The following SPATS2 variants were observed in gnomAD, a reference collection of about 807,000 sequenced individuals.
SPATS2 encodes the protein spermatogenesis associated serine rich 2.
SPATS2 carries 38 observed loss-of-function variants against 63.7 expected under a neutral mutation model. The observed-to-expected ratio is 0.60, with a 90% confidence interval of 0.46 to 0.78. SPATS2 has a LOEUF of 0.78. SPATS2 is among the 30% of genes least tolerant of loss of function. The pLI is 0.00. For synonymous variants in SPATS2, 207 were observed against 232.9 expected (o/e 0.89, Z 1.01); for missense variants, 588 against 666.2 (o/e 0.88, Z 1.29).
chr12:49,472,606 ATATTT>A (rs1946053617), intron 3 of SPATS2, among the ~76,000 whole-genome samples: 2 of 131,610 alleles, frequency 1.5e-5, no homozygotes, highest in African/African-American at 6.6e-5. Flanking sequence ...CTTATTTTAT[ATATTT>A]TATATATATA....
chr12:49,430,291 G>A (rs1945162817), intron 2 of SPATS2, among the ~76,000 whole-genome samples: 1 of 144,758 alleles, frequency 6.9e-6, no homozygotes, highest in Non-Finnish European at 1.5e-5. Flanking sequence ...TAGTAGAGAT[G>A]GTGTTTCACT....
chr12:49,469,615 G>C (rs1945999490), intron 3 of SPATS2: 1 of 417,404 alleles, frequency 2.4e-6, no homozygotes. Context: ...TATGGGCCAG[G>C]CACAGTGGCT....
chr12:49,446,368 G>A (rs1300623753), intron 2 of SPATS2, among the ~76,000 whole-genome samples: 1 of 152,242 alleles, frequency 6.6e-6, no homozygotes, highest in Non-Finnish European at 1.5e-5. Flanking sequence ...TGGGCACAAT[G>A]TGGCTCAGAT....
chr12:49,494,730 A>T lies in SPATS2; in HGVS notation c.265-11A>T, dbSNP rs771928316. ...CTTTTCTTTTCTTTTTCAAATTTTTAATAACTTTAGAACAAAAAGAAGAAA... is the reference window on the plus strand; with the variant it reads ...CTTTTCTTTTCTTTTTCAAATTTTTTATAACTTTAGAACAAAAAGAAGAAA... On this transcript the variant is annotated splice_polypyrimidine_tract_variant and intron_variant, in intron 6 of 13. Coordinates refer to ENST00000552918, the MANE Select transcript of SPATS2 (RefSeq NM_023071.4). 3 of 1,493,464 alleles carry T rather than the reference A, an allele frequency of 2.0e-6. No homozygotes were observed. In the East Asian group the frequency reaches 7.5e-5, roughly 37 times the overall value. The allele number at this position is 1,493,464 out of a possible 1,614,324, so 92.5% of individuals were successfully genotyped here. A position where few individuals can be genotyped will look rare whatever the true frequency, so the allele number is the denominator to read the frequency against.
At chr12:49,487,779 G>A (rs1385174173) in intron 4 of SPATS2, among the ~76,000 whole-genome samples, 2 of 151,988 alleles carry the variant, frequency 1.3e-5, no homozygotes, top group Non-Finnish European at 2.9e-5. Context: ...ATTTTTTGTA[G>A]AGACAAGGTC....
At position 49,526,298 on chromosome 12, in the gene SPATS2, A is replaced by G. The variant is rs1475985331; in HGVS notation, c.*43A>G. The G allele has an allele frequency of 6.5e-7, 1 of 1,536,780 alleles. No homozygotes were observed. The highest frequency in any genetic ancestry group is 2.2e-5 in the Admixed American group (1 of 46,014). ...CTCTCTCCTCTATCCACACAATTCA[A>G]CTTGATAACTGGACTTTAGGAAACT... On this transcript the variant is annotated 3_prime_UTR_variant, in exon 14 of 14. Coordinates refer to ENST00000552918, the MANE Select transcript of SPATS2 (RefSeq NM_023071.4).
chr12:49,519,914 A>G (rs567734484), intron 11 of SPATS2, among the ~76,000 whole-genome samples: 1 of 150,972 alleles, frequency 6.6e-6, no homozygotes, highest in South Asian at 2.1e-4. Context: ...TCCTAGGTGC[A>G]AGCAATTCTC....
intron 2 of SPATS2, among the ~76,000 whole-genome samples, chr12:49,385,954 C>T (rs1944311383): frequency 1.3e-5 from 2 of 150,834 alleles, no homozygotes; most frequent in South Asian, 2.1e-4. Flanking sequence ...ACCTCTGCCT[C>T]CCAGGTTCAA....
At chr12:49,437,193 G>A (rs1293006725) in intron 2 of SPATS2, among the ~76,000 whole-genome samples, 3 of 150,650 alleles carry the variant, frequency 2.0e-5, no homozygotes, top group African/African-American at 2.4e-5. Flanking sequence ...CTTCTCAGAC[G>A]GGGCGGCCGG....
At chr12:49,435,474 C>T (rs980674432) in intron 2 of SPATS2, among the ~76,000 whole-genome samples, 8 of 151,744 alleles carry the variant, frequency 5.3e-5, no homozygotes, top group African/African-American at 1.2e-4. Context: ...TACATGCACA[C>T]GCCAGTGCGC....
chr12:49,497,160 T>TC, intron 8 of SPATS2, 151 bp downstream of exon 8: 1 of 740,394 alleles, frequency 1.4e-6, no homozygotes, highest in Non-Finnish European at 2.1e-6. Flanking sequence ...ACTCAGCCCT[T>TC]CCCCTAACCT....
At chr12:49,484,211 A>G (rs760574643) in intron 3 of SPATS2, among the ~76,000 whole-genome samples, 2 of 152,212 alleles carry the variant, frequency 1.3e-5, no homozygotes, top group Non-Finnish European at 2.9e-5. Flanking sequence ...TTAATGCTAC[A>G]GAAGCTCCCA....
At chr12:49,380,495 C>T (rs557726149) in intron 2 of SPATS2, among the ~76,000 whole-genome samples, 2 of 152,192 alleles carry the variant, frequency 1.3e-5, no homozygotes, top group African/African-American at 2.4e-5. Context: ...CACCTGAGGT[C>T]AGGAGTTTGA....
rs1398935449 is a variant in SPATS2, at chr12:49,526,314, T to G, written c.*59T>G. 4 of 1,512,982 alleles carry G rather than the reference T, an allele frequency of 2.6e-6. No homozygotes were observed. The highest frequency in any genetic ancestry group is 3.5e-6 in the Non-Finnish European group (4 of 1,131,536). 93.7% of individuals were successfully genotyped at this position (1,512,982 alleles called of 1,614,324 possible). ...CACAATTCAACTTGATAACTGGACTTTAGGAAACTTACAGTTAGATGTAAT... is the reference window on the plus strand; with the variant it reads ...CACAATTCAACTTGATAACTGGACTGTAGGAAACTTACAGTTAGATGTAAT... On this transcript the variant is annotated 3_prime_UTR_variant, in exon 14 of 14. Coordinates refer to ENST00000552918, the MANE Select transcript of SPATS2 (RefSeq NM_023071.4).
intron 2 of SPATS2, among the ~76,000 whole-genome samples, chr12:49,399,197 G>A (rs1944563864): frequency 6.6e-6 from 1 of 151,212 alleles, no homozygotes; most frequent in African/African-American, 2.4e-5. Flanking sequence ...TTTCATCAAA[G>A]TTATGTGTGA....
At chr12:49,439,596 G>T (rs1003616970) in intron 2 of SPATS2, among the ~76,000 whole-genome samples, 1 of 152,162 alleles carries the variant, frequency 6.6e-6, no homozygotes, top group Non-Finnish European at 1.5e-5. Context: ...AGGGCTTTTG[G>T]CTTGAGCAGT....
intron 6 of SPATS2, among the ~76,000 whole-genome samples, chr12:49,494,033 A>G (rs1946426261): frequency 6.6e-6 from 1 of 152,250 alleles, no homozygotes; most frequent in Non-Finnish European, 1.5e-5. Flanking sequence ...TGATACTGCA[A>G]TGAATAACCT....
chr12:49,401,321 T>C (rs923224554), intron 2 of SPATS2, among the ~76,000 whole-genome samples: 6 of 152,168 alleles, frequency 3.9e-5, no homozygotes, highest in African/African-American at 1.2e-4. Flanking sequence ...CTTTTTTTCC[T>C]TTTTAAAGCC....
At chr12:49,430,221 C>A (rs886779957) in intron 2 of SPATS2, among the ~76,000 whole-genome samples, 4 of 151,494 alleles carry the variant, frequency 2.6e-5, no homozygotes, top group South Asian at 2.1e-4. Flanking sequence ...CTGCCTCAGC[C>A]TCCCGAGTAG....
Sources: gnomAD v4.1 joint callset for allele counts (sites outside exome capture counted in the v4.1 genomes callset) on GRCh38, gnomAD v4.1.1 for gene constraint, MANE v1.5 for transcripts, NCBI Gene and HGNC (gene_info 2026-07-23, HGNC 2026-07-21) for gene names.